Variants in ZFHX3 observed in about 807,000 individuals in gnomAD.
ZFHX3 encodes zinc finger homeobox 3.
A neutral mutation model predicts 279.1 loss-of-function variants in ZFHX3; 42 were observed. The observed-to-expected ratio is 0.15, with a 90% CI of 0.12 to 0.19. The LOEUF (loss-of-function observed/expected upper bound fraction) is 0.19. Ranked by LOEUF, ZFHX3 falls within the 10% of genes least tolerant of loss-of-function variation. ZFHX3 has a pLI of 1.00. For missense variants in ZFHX3, 4,981 were observed against 4,754.0 expected (o/e 1.05, Z -1.40); for synonymous variants, 2,293 against 1,957.8 (o/e 1.17, Z -4.52).
At chr16:73,439,909 CAAAAAAAAAAAAAA>C (rs71156164) in intron 3 of ZFHX3, among the ~76,000 whole-genome samples, 1 of 75,446 alleles carries the variant, frequency 1.3e-5, no homozygotes, top group Non-Finnish European at 2.2e-5. Context: ...GGGAGAGGGA[CAAAAAAAAAAAAAA>C]AAAAAAAAAC....
chr16:72,925,025 G>A (rs764029668), intron 3 of ZFHX3, among the ~76,000 whole-genome samples: 1 of 152,214 alleles, frequency 6.6e-6, no homozygotes, highest in African/African-American at 2.4e-5. Flanking sequence ...GGGTGGTTTG[G>A]GAAGGCCTTA....
intron 1 of ZFHX3, chr16:73,809,503 G>A (rs538179185): frequency 5.3e-5 from 8 of 152,270 alleles, no homozygotes; most frequent in Non-Finnish European, 1.0e-4. Context: ...GAGCTGTCAC[G>A]GATTTATGAG....
intron 1 of ZFHX3, among the ~76,000 whole-genome samples, chr16:73,058,053 C>T (rs1965600946): frequency 6.9e-6 from 1 of 144,864 alleles, no homozygotes; most frequent in African/African-American, 2.5e-5. Context: ...CCGCCGGCCG[C>T]CGCCTTTGTC....
chr16:73,512,838 C>T (rs2019456831), intron 2 of ZFHX3, among the ~76,000 whole-genome samples: 1 of 152,166 alleles, frequency 6.6e-6, no homozygotes, highest in African/African-American at 2.4e-5. Context: ...AACCCACTAC[C>T]TGACTATGTT....
chr16:73,695,098 G>A (rs983010935), intron 1 of ZFHX3, among the ~76,000 whole-genome samples: 2 of 152,234 alleles, frequency 1.3e-5, no homozygotes, highest in African/African-American at 4.8e-5. Context: ...GTATATTTAA[G>A]GGTAAGCCAC....
rs767621336 is a variant in ZFHX3, at chr16:72,889,897, G to A, written c.3282C>T (p.Asn1094=). The A allele has an allele frequency of 7.4e-6, 12 of 1,614,202 alleles. No individual in the cohort carries two copies. Among genetic ancestry groups the A allele is most frequent in the Non-Finnish European group, 1.0e-5 (12 of 1,180,054 alleles). ...ESCYYHCVLC[N]YSTKAKLNLI... ...GGTTGAGCTTGGCCTTGGTGGAGTA[G>A]TTGCACAGAACGCAGTGGTAGTAGC... Residue 1094 remains asparagine (N), a synonymous_variant, in exon 4 of 10, where the codon AAC becomes AAT. Transcript: ENST00000268489.
chr16:73,160,735 C>CGGCATGCTTA (rs1427568566), intron 5 of ZFHX3, among the ~76,000 whole-genome samples: 3 of 151,208 alleles, frequency 2.0e-5, no homozygotes, highest in African/African-American at 7.3e-5. Flanking sequence ...AATCCTGTCA[C>CGGCATGCTTA]GGCATGCTTA....
intron 5 of ZFHX3, among the ~76,000 whole-genome samples, chr16:73,214,436 A>G (rs2012127159): frequency 1.3e-5 from 2 of 152,188 alleles, no homozygotes; most frequent in Non-Finnish European, 2.9e-5. Flanking sequence ...ATTGCAAAAA[A>G]AAGGAGGAAG....
chr16:73,423,996 G>C (rs1440947698), intron 3 of ZFHX3, among the ~76,000 whole-genome samples: 1 of 152,130 alleles, frequency 6.6e-6, no homozygotes, highest in Non-Finnish European at 1.5e-5. Context: ...AGAAGGGCCA[G>C]CTAACACATC....
chr16:72,788,157 C>A lies in ZFHX3; in HGVS notation c.10119G>T (p.Glu3373Asp). The change falls in exon 10 of 10, where the codon GAG (glutamate) becomes GAT (aspartate). Residue 3373 changes from glutamate (E) to aspartate (D), a missense_variant. Coordinates refer to ENST00000268489, the MANE Select transcript of ZFHX3 (RefSeq NM_006885.4). ...GCCGCTGCTGCTGCTGCTGAATTGC[C>A]TCCTGCAGACTCTGCTGGTATTGCT... The part of the protein sequence containing the change: ...QYQQYQQSLQ[E>D]AIQQQQQRQL... 1 of 1,612,304 alleles carries A rather than the reference C, an allele frequency of 6.2e-7. No individual in the cohort carries two copies.
chr16:73,189,614 C>T (rs577552663), intron 5 of ZFHX3, among the ~76,000 whole-genome samples: 3 of 152,294 alleles, frequency 2.0e-5, no homozygotes, highest in South Asian at 4.1e-4. Context: ...CTTTTTGCAG[C>T]CATGTTCCTT....
intron 7 of ZFHX3, among the ~76,000 whole-genome samples, chr16:72,803,395 C>G (rs1423919699): frequency 6.6e-6 from 1 of 152,108 alleles, no homozygotes; most frequent in Non-Finnish European, 1.5e-5. Flanking sequence ...TTCCCTTTTG[C>G]CAGGAACACT....
intron 3 of ZFHX3, among the ~76,000 whole-genome samples, chr16:73,337,408 A>G (rs2015934985): frequency 6.6e-6 from 1 of 152,048 alleles, no homozygotes; most frequent in African/African-American, 2.4e-5. Context: ...CACATCCCAA[A>G]TACCATAGTG....
At chr16:73,886,640 T>C (rs2030354814) in intron 1 of ZFHX3, among the ~76,000 whole-genome samples, 2 of 152,236 alleles carry the variant, frequency 1.3e-5, no homozygotes, top group African/African-American at 4.8e-5. Context: ...TGAGCGACAC[T>C]GACCATTAAT....
At chr16:73,418,297 C>G (rs909026704) in intron 3 of ZFHX3, among the ~76,000 whole-genome samples, 1 of 152,162 alleles carries the variant, frequency 6.6e-6, no homozygotes, top group Non-Finnish European at 1.5e-5. Context: ...ACGGTGGTAC[C>G]AGGACTTCTG....
chr16:73,311,785 A>G (rs2015334520), intron 4 of ZFHX3, among the ~76,000 whole-genome samples: 1 of 152,198 alleles, frequency 6.6e-6, no homozygotes, highest in Non-Finnish European at 1.5e-5. Flanking sequence ...GCCAAACTTA[A>G]CAAGACGAAA....
At chr16:73,086,693 A>G (rs1012909749) in intron 8 of ZFHX3, among the ~76,000 whole-genome samples, 14 of 152,152 alleles carry the variant, frequency 9.2e-5, no homozygotes, top group Non-Finnish European at 1.8e-4. Context: ...GCTTGAATAC[A>G]GGAGTTCAAG....
chr16:73,420,444 G>T (rs2017695331), intron 3 of ZFHX3, among the ~76,000 whole-genome samples: 1 of 152,184 alleles, frequency 6.6e-6, no homozygotes. Flanking sequence ...TATCACCACT[G>T]CAGGGAAGGC....
At chr16:73,384,616 G>T (rs2016867903) in intron 3 of ZFHX3, among the ~76,000 whole-genome samples, 1 of 152,204 alleles carries the variant, frequency 6.6e-6, no homozygotes, top group South Asian at 2.1e-4. Flanking sequence ...ATCAAAGAAA[G>T]TCTTGGACAT....
Sources: gnomAD v4.1 joint callset for allele counts (sites outside exome capture counted in the v4.1 genomes callset) on GRCh38, gnomAD v4.1.1 for gene constraint, MANE v1.5 for transcripts, NCBI Gene and HGNC (gene_info 2026-07-23, HGNC 2026-07-21) for gene names.